PACS2: variants seen among roughly 807,000 people sequenced by gnomAD.
PACS2 encodes the protein phosphofurin acidic cluster sorting protein 2.
A neutral mutation model predicts 113.0 loss-of-function variants in PACS2; 36 were observed. That is an observed-to-expected ratio of 0.32 (90% confidence interval 0.24 to 0.42). The LOEUF is 0.42. PACS2 is among the 10% of genes least tolerant of loss of function. The pLI is 1.00. For missense variants in PACS2, 1,015 were observed against 1,239.5 expected (o/e 0.82, Z 2.72); for synonymous variants, 589 against 536.1 (o/e 1.10, Z -1.36).
intron 8 of PACS2, chr14:105,372,861 C>T (rs2061206385): frequency 1.3e-5 from 2 of 151,826 alleles, no homozygotes; most frequent in South Asian, 4.2e-4. Flanking sequence ...AAGATGGGGC[C>T]ACTGCACTCC....
At chr14:105,352,620 CA>C (rs1555404288) in intron 3 of PACS2, among the ~76,000 whole-genome samples, 153 bp downstream of exon 3, 91 of 144,126 alleles carry the variant, frequency 6.3e-4, no homozygotes, top group African/African-American at 2.2e-3. Flanking sequence ...GGGAGACGGG[CA>C]CGCCTCATCA....
chr14:105,345,355 T>C (rs10143232), intron 1 of PACS2, among the ~76,000 whole-genome samples: 17,530 of 145,020 alleles, frequency 0.12, 3,425 homozygotes, highest in African/African-American at 0.41. Flanking sequence ...TGCAGTGAGC[T>C]GAGATCACGC....
intron 1 of PACS2, among the ~76,000 whole-genome samples, chr14:105,344,214 G>T (rs1555402136): frequency 6.6e-6 from 1 of 151,562 alleles, no homozygotes; most frequent in East Asian, 2.0e-4. Flanking sequence ...ACCCTTCCCT[G>T]CCTCAACTTT....
chr14:105,394,302 G>GT, intron 24 of PACS2: 6 of 985,276 alleles, frequency 6.1e-6, no homozygotes, highest in Non-Finnish European at 6.0e-6. Flanking sequence ...AGGCAGCCCT[G>GT]GGGGAAATGC....
chr14:105,365,129 G>A lies in PACS2; in HGVS notation c.424-2084G>A, dbSNP rs2060899430. On this transcript the variant is annotated intron_variant, in intron 4 of 24. Transcript: ENST00000447393. The surrounding 1 kb of genome is among the most constrained non-coding windows in gnomAD (Gnocchi z 5.1). The stretch of plus-strand genomic sequence containing the variant: ...CAGCTCCAGCCCTTTGCTGAGGATT[G>A]CAGAGCATCCACAGAGCATCTGCTG... 6.6e-6 allele frequency among the ~76,000 whole-genome samples: 1 copy of A among 152,274 alleles called. No homozygotes were observed. The highest frequency in any genetic ancestry group is 1.9e-4 in the East Asian group (1 of 5,184).
rs1167401897 is a variant in PACS2, at chr14:105,376,670, G to A, written c.802-98G>A. The A allele has an allele frequency of 1.3e-5, 15 of 1,156,262 alleles. No homozygotes were observed. The highest frequency in any genetic ancestry group is 1.7e-5 in the Non-Finnish European group (14 of 813,132). The allele number at this position is 1,156,262 out of a possible 1,614,324, so 71.6% of individuals were successfully genotyped here. A position where few individuals can be genotyped will look rare whatever the true frequency, so the allele number is the denominator to read the frequency against. ...GGAGGGGTTTGGTGGCTGGGTGCCC[G>A]CCTCCTATTGCTCCTGCAGACTCTG... On this transcript the variant is annotated intron_variant, in intron 8 of 24. Transcript: ENST00000447393. The surrounding 1 kb of genome is among the most constrained non-coding windows in gnomAD (Gnocchi z 4.7).
chr14:105,301,863 G>A (rs747701657), intron 1 of PACS2, among the ~76,000 whole-genome samples: 1 of 152,198 alleles, frequency 6.6e-6, no homozygotes, highest in Non-Finnish European at 1.5e-5. Context: ...GTAACCAGGC[G>A]TAGTGGCTCA....
At chr14:105,385,078 G>T in intron 18 of PACS2, 91 bp downstream of exon 18, 2 of 837,066 alleles carry the variant, frequency 2.4e-6, no homozygotes, top group Non-Finnish European at 2.0e-6. Flanking sequence ...GCTTGGCCTG[G>T]TGGGCCGCAG....
chr14:105,358,554 C>T lies in PACS2; in HGVS notation c.423+3377C>T, dbSNP rs2060544697. 6.6e-6 allele frequency among the ~76,000 whole-genome samples: 1 copy of T among 152,214 alleles called. No individual in the cohort carries two copies. Among genetic ancestry groups the T allele is most frequent in the Non-Finnish European group, 1.5e-5 (1 of 68,026 alleles). ...GGGGCTGCAGCCTGGGAGACGCAGG[C>T]ATGCCAGCTGGTGGCCATTGTCTGA... On this transcript the variant is annotated intron_variant, in intron 4 of 24. Transcript: ENST00000447393. The surrounding 1 kb of genome is among the most constrained non-coding windows in gnomAD (Gnocchi z 4.9).
rs1263761230 is a variant in PACS2, at chr14:105,314,912, C to G, written c.-7C>G. The G allele has an allele frequency of 5.9e-6, 6 of 1,008,582 alleles. No homozygotes were observed. The African/African-American group carries it at 7.1e-5, about 12-fold the overall frequency. The allele number at this position is 1,008,582 out of a possible 1,614,324, so 62.5% of individuals were successfully genotyped here. ...CAGGCCGCCGAGGGAGCGGCGGGGC[C>G]GGCGCCATGGCCGAGCGAGGCCGCC... On this transcript the variant is annotated 5_prime_UTR_variant, in exon 1 of 25. Coordinates refer to ENST00000447393, the MANE Select transcript of PACS2 (RefSeq NM_001100913.3).
chr14:105,389,403 CTGCAGCCAAA>C (rs1371620425), intron 19 of PACS2: 1 of 159,778 alleles, frequency 6.3e-6, no homozygotes, highest in Non-Finnish European at 1.4e-5. Flanking sequence ...TGGAGGCCCA[CTGCAGCCAAA>C]GCCTGGCCTC....
In PACS2 at chr14:105,348,441, C is replaced by A. The variant is rs1048128011; in HGVS notation, c.120-52C>A. 2 of 1,399,740 alleles carry A rather than the reference C, an allele frequency of 1.4e-6. No homozygotes were observed. The highest frequency in any genetic ancestry group is 2.0e-6 in the Non-Finnish European group (2 of 992,284). The allele number at this position is 1,399,740 out of a possible 1,614,324, so 86.7% of individuals were successfully genotyped here. ...ACAGTGCTGGGACGGCACAGGGCCG[C>A]GTCCTGAGGAGAGGGCGGAGCCCCG... On this transcript the variant is annotated intron_variant, in intron 1 of 24. Transcript: ENST00000447393. This position sits in a 1 kb window ranked among gnomAD's most constrained non-coding sequence, Gnocchi z 6.4.
chr14:105,325,170 G>A (rs1232628204), intron 1 of PACS2, among the ~76,000 whole-genome samples: 2 of 126,028 alleles, frequency 1.6e-5, no homozygotes, highest in Admixed American at 7.1e-5. Flanking sequence ...GTGGTGGGAC[G>A]GGGGGGGGCT....
At chr14:105,382,778 G>A (rs782540064) in intron 14 of PACS2, 29 bp from the exon 15 acceptor site, 11 of 1,444,092 alleles carry the variant, frequency 7.6e-6, no homozygotes, top group African/African-American at 2.8e-5. Context: ...CGGCTGTGCC[G>A]AAGTCAGCGT....
chr14:105,303,979 C>G (rs1595512030), intron 1 of PACS2, among the ~76,000 whole-genome samples: 1 of 152,262 alleles, frequency 6.6e-6, no homozygotes, highest in African/African-American at 2.4e-5. Flanking sequence ...CATGTGGCCA[C>G]TGGATCCTTG....
Position 105,396,518 on chromosome 14 carries a change from T to TC in PACS2, c.*1846_*1847insC, listed in dbSNP as rs2081534766. On this transcript the variant is annotated 3_prime_UTR_variant, in exon 25 of 25. Coordinates refer to ENST00000447393, the MANE Select transcript of PACS2 (RefSeq NM_001100913.3). ...TTTTCTTTTTTTTTTTTTTTTTTTT[T>TC]GAGATGGAGTCTTGCTCTGTTGCCC... 1 of 144,120 alleles carries TC rather than the reference T, an allele frequency of 6.9e-6. No individual in the cohort carries two copies. Among genetic ancestry groups the TC allele is most frequent in the African/African-American group, 2.8e-5 (1 of 35,584 alleles). The allele number at this position is 144,120 out of a possible 1,614,324, so 8.9% of individuals were successfully genotyped here. A position where few individuals can be genotyped will look rare whatever the true frequency, so the allele number is the denominator to read the frequency against.
intron 12 of PACS2, among the ~76,000 whole-genome samples, chr14:105,381,460 C>G (rs1246982317): frequency 6.6e-6 from 1 of 152,248 alleles, no homozygotes; most frequent in Non-Finnish European, 1.5e-5. Flanking sequence ...ATATTTGGGA[C>G]TTTTTCCAAA....
chr14:105,385,281 G>T (rs1555413312), intron 18 of PACS2, among the ~76,000 whole-genome samples: 1 of 152,254 alleles, frequency 6.6e-6, no homozygotes, highest in East Asian at 1.9e-4. Context: ...GGGTGGCAGT[G>T]GCCCAGCCCC....
chr14:105,316,291 C>T (rs758721202), intron 1 of PACS2, among the ~76,000 whole-genome samples: 14 of 152,216 alleles, frequency 9.2e-5, no homozygotes, highest in Non-Finnish European at 1.6e-4. Flanking sequence ...TGCAGATGTG[C>T]CTGCTTGCCT....
Sources: gnomAD v4.1 joint callset for allele counts (sites outside exome capture counted in the v4.1 genomes callset) on GRCh38, gnomAD v4.1.1 for gene constraint, Gnocchi (gnomAD v3.1) non-coding constraint, MANE v1.5 for transcripts, NCBI Gene and HGNC (gene_info 2026-07-23, HGNC 2026-07-21) for gene names.